The following UGT1A8 variants were observed in gnomAD, a reference collection of about 807,000 sequenced individuals.
The protein encoded by UGT1A8 is UDP-glucuronosyltransferase 1A8.
Under a neutral mutation model 45.3 loss-of-function variants are expected in UGT1A8, and 39 were observed. The ratio of observed to expected loss-of-function variants is 0.86; its 90% CI spans 0.67 to 1.12. UGT1A8 has a LOEUF of 1.12. UGT1A8 is among the 50% of genes most tolerant of loss of function. UGT1A8 has a pLI of 0.00. For missense variants in UGT1A8, 719 were observed against 664.9 expected (o/e 1.08, Z -0.90); for synonymous variants, 275 against 249.2 (o/e 1.10, Z -0.97).
At position 233,760,380 on chromosome 2, in the gene UGT1A8, G is replaced by C. The variant is rs768058050; in HGVS notation, c.856-6654G>C. 4.3e-6 allele frequency: 7 copies of C among 1,614,074 alleles called. No individual in the cohort carries two copies. The East Asian group carries it at 1.6e-4, about 36-fold the overall frequency. ...TGGTGTCCCATGCTGGGAAGATACT[G>C]TTGATCCCAGTGGATGGCAGCCACT... On this transcript the variant is annotated intron_variant, in intron 1 of 4. Transcript: ENST00000373450.
chr2:233,636,912 C>A (rs752103061), intron 1 of UGT1A8: 2 of 1,613,996 alleles, frequency 1.2e-6, no homozygotes, highest in Non-Finnish European at 1.7e-6. Context: ...TGTTTAATGA[C>A]CGAAAATTAG....
chr2:233,648,107 T>C (rs1575399689), intron 1 of UGT1A8: 7 of 1,476,096 alleles, frequency 4.7e-6, no homozygotes, highest in Non-Finnish European at 6.4e-6. Flanking sequence ...CAGGAGTTCA[T>C]GGCTTTTGCC....
chr2:233,669,631 G>A lies in UGT1A8; in HGVS notation c.855+51069G>A, dbSNP rs114850020. 3.1e-3 allele frequency among the ~76,000 whole-genome samples: 474 copies of A among 152,228 alleles called. 4 individuals carry two copies. The highest frequency in any genetic ancestry group is 0.011 in the African/African-American group (452 of 41,544). ...GACCCTTGAAGAATGTGAGGATTGA[G>A]GTACCAACCCCCGAGCAGTAAAAAA... On this transcript the variant is annotated intron_variant, in intron 1 of 4. Coordinates refer to ENST00000373450, the MANE Select transcript of UGT1A8 (RefSeq NM_019076.5).
intron 1 of UGT1A8, among the ~76,000 whole-genome samples, chr2:233,736,128 G>A (rs1042776014): frequency 2.0e-5 from 3 of 152,068 alleles, no homozygotes; most frequent in Non-Finnish European, 4.4e-5. Flanking sequence ...TCCATTCTCC[G>A]CATCACTTTC....
intron 1 of UGT1A8, chr2:233,708,495 T>C (rs1421697403): frequency 6.6e-6 from 1 of 152,212 alleles, no homozygotes; most frequent in Admixed American, 6.5e-5. Context: ...CTCATGCTTA[T>C]AATCCCAGCA....
At chr2:233,671,737 A>G in intron 1 of UGT1A8, 1 of 1,216,728 alleles carries the variant, frequency 8.2e-7, no homozygotes, top group Non-Finnish European at 1.1e-6. Context: ...TGGAAAACAT[A>G]CAAATAGATA....
intron 1 of UGT1A8, among the ~76,000 whole-genome samples, chr2:233,629,598 CT>C (rs1270693678): frequency 6.6e-6 from 1 of 151,950 alleles, no homozygotes; most frequent in Non-Finnish European, 1.5e-5. Flanking sequence ...CTTTTAATGT[CT>C]TTTTCTGGTT....
chr2:233,749,530 G>T (rs1211787123), intron 1 of UGT1A8, among the ~76,000 whole-genome samples: 2 of 151,832 alleles, frequency 1.3e-5, no homozygotes, highest in Non-Finnish European at 2.9e-5. Flanking sequence ...GCTAATTTTC[G>T]AGTGTGGTAA....
Position 233,637,482 on chromosome 2 carries a change from A to G in UGT1A8, c.855+18920A>G, listed in dbSNP as rs563410671. On this transcript the variant is annotated intron_variant, in intron 1 of 4. Coordinates refer to ENST00000373450, the MANE Select transcript of UGT1A8 (RefSeq NM_019076.5). ...TGACATTTTCGTTTGTTGCATTTCA[A>G]ATTTCTTTCCAGTTTAACAAATTAT... 1.3e-3 allele frequency: 1,995 copies of G among 1,498,306 alleles called. 4 individuals are homozygous for G. Among genetic ancestry groups the G allele is most frequent in the Non-Finnish European group, 1.7e-3 (1,885 of 1,128,448 alleles). 92.8% of individuals were successfully genotyped at this position (1,498,306 alleles called of 1,614,324 possible).
At chr2:233,733,150 A>G (rs1001837266) in intron 1 of UGT1A8, among the ~76,000 whole-genome samples, 7 of 152,190 alleles carry the variant, frequency 4.6e-5, no homozygotes, top group Non-Finnish European at 7.3e-5. Flanking sequence ...ATTTTTGCAC[A>G]TTGATTTTGT....
intron 1 of UGT1A8, among the ~76,000 whole-genome samples, chr2:233,632,565 G>T (rs1032393581): frequency 6.6e-6 from 1 of 152,150 alleles, no homozygotes; most frequent in Non-Finnish European, 1.5e-5. Flanking sequence ...CTTGTAAGTT[G>T]TATTCCTAGG....
intron 1 of UGT1A8, chr2:233,743,969 G>T: frequency 1.5e-6 from 2 of 1,324,976 alleles, no homozygotes; most frequent in Admixed American, 2.1e-5. Flanking sequence ...CGGCAAGGCT[G>T]CCAGCACCCA....
At chr2:233,718,140 TC>T (rs2125658372) in intron 1 of UGT1A8, 1 of 233,266 alleles carries the variant, frequency 4.3e-6, no homozygotes, top group African/African-American at 2.2e-5. Context: ...TGGAGAATCC[TC>T]AATAAAGCCT....
intron 1 of UGT1A8, among the ~76,000 whole-genome samples, chr2:233,687,585 A>G (rs1319923508): frequency 2.2e-5 from 1 of 45,500 alleles, no homozygotes; most frequent in Non-Finnish European, 4.5e-5. Context: ...ATTCTTTGTA[A>G]AAAAAAAAAA....
intron 1 of UGT1A8, among the ~76,000 whole-genome samples, chr2:233,675,809 C>T (rs2074336603): frequency 6.6e-6 from 1 of 152,068 alleles, no homozygotes; most frequent in Non-Finnish European, 1.5e-5. Context: ...AAAAGAAATT[C>T]TTGGCATGTC....
intron 1 of UGT1A8, among the ~76,000 whole-genome samples, chr2:233,756,899 G>C (rs917423369): frequency 1.6e-4 from 25 of 152,034 alleles, no homozygotes; most frequent in African/African-American, 5.8e-4. Context: ...TATCTCACCA[G>C]AACAAACTTC....
chr2:233,680,437 A>C (rs1169145229), intron 1 of UGT1A8, among the ~76,000 whole-genome samples: 2 of 152,190 alleles, frequency 1.3e-5, no homozygotes, highest in Non-Finnish European at 2.9e-5. Flanking sequence ...TATGTACTAG[A>C]GGAAAGTGAC....
chr2:233,716,180 T>C (rs1445061863), intron 1 of UGT1A8, among the ~76,000 whole-genome samples: 1 of 152,174 alleles, frequency 6.6e-6, no homozygotes, highest in Non-Finnish European at 1.5e-5. Flanking sequence ...CATCTTCAAG[T>C]CTCTAATTCT....
chr2:233,719,218 A>G, intron 1 of UGT1A8: 2 of 1,614,250 alleles, frequency 1.2e-6, no homozygotes, highest in Non-Finnish European at 1.7e-6. Context: ...GAGCTACTGC[A>G]TAATGAGGCC....
Sources: allele counts gnomAD v4.1 joint callset (sites outside exome capture counted in the v4.1 genomes callset), GRCh38; gene constraint gnomAD v4.1.1; transcripts MANE v1.5; gene names NCBI Gene and HGNC (gene_info 2026-07-23, HGNC 2026-07-21).